The following WWOX variants were observed in gnomAD, a reference collection of about 807,000 sequenced individuals.
WWOX encodes the protein WW domain-containing oxidoreductase.
In WWOX, 69 loss-of-function variants were observed where a neutral mutation model predicts 46.2. That is an observed-to-expected ratio of 1.49 (90% CI 1.23 to 1.82). The LOEUF is 1.82. Among genes scored for constraint, WWOX ranks in the 40% most tolerant of loss-of-function variants. The probability of loss-of-function intolerance (pLI) is 0.00; values close to 1 mark genes in which losing one functional copy is unlikely to be tolerated. For missense variants in WWOX, 919 were observed against 542.6 expected (o/e 1.69, Z -6.89); for synonymous variants, 359 against 202.6 (o/e 1.77, Z -6.56).
At chr16:78,609,804 C>T (rs959420952) in intron 8 of WWOX, among the ~76,000 whole-genome samples, 1 of 152,144 alleles carries the variant, frequency 6.6e-6, no homozygotes, top group African/African-American at 2.4e-5. Context: ...ATATTTTTTC[C>T]AAAGCTATCT....
intron 5 of WWOX, among the ~76,000 whole-genome samples, chr16:78,321,311 TATGCGTA>T (rs2080466112): frequency 1.5e-5 from 1 of 65,482 alleles, no homozygotes; most frequent in Non-Finnish European, 3.4e-5. Flanking sequence ...TACGTATATA[TATGCGTA>T]TATATATACG....
At chr16:78,595,838 A>G (rs914291843) in intron 8 of WWOX, among the ~76,000 whole-genome samples, 1 of 152,242 alleles carries the variant, frequency 6.6e-6, no homozygotes, top group Non-Finnish European at 1.5e-5. Flanking sequence ...AATATGCAAT[A>G]CCTTGTTGTT....
intron 8 of WWOX, among the ~76,000 whole-genome samples, chr16:78,514,716 G>T: frequency 6.6e-6 from 1 of 152,184 alleles, no homozygotes; most frequent in East Asian, 1.9e-4. Context: ...TTTAAAAACA[G>T]TATGTACAGG....
At chr16:78,216,607 A>C (rs2036730035) in intron 5 of WWOX, among the ~76,000 whole-genome samples, 1 of 151,288 alleles carries the variant, frequency 6.6e-6, no homozygotes, top group African/African-American at 2.4e-5. Context: ...GCAAGATTGC[A>C]TCTCTCTGTC....
chr16:78,100,545 C>G (rs1017461063), intron 1 of WWOX, among the ~76,000 whole-genome samples: 12 of 152,246 alleles, frequency 7.9e-5, no homozygotes, highest in Admixed American at 6.5e-4. Context: ...GCCACTGCGC[C>G]TAGCCAGGAG....
intron 8 of WWOX, among the ~76,000 whole-genome samples, chr16:78,723,743 C>T (rs980936930): frequency 6.6e-6 from 1 of 151,816 alleles, no homozygotes; most frequent in Non-Finnish European, 1.5e-5. Context: ...CCTGACAGTT[C>T]TTTATTGCTT....
At chr16:79,178,032 C>T (rs1597449226) in intron 8 of WWOX, among the ~76,000 whole-genome samples, 1 of 152,130 alleles carries the variant, frequency 6.6e-6, no homozygotes, top group Non-Finnish European at 1.5e-5. Context: ...GATAAAGCAG[C>T]TCTCTGGGGC....
intron 8 of WWOX, among the ~76,000 whole-genome samples, chr16:78,808,250 C>G (rs1035120778): frequency 3.9e-5 from 6 of 152,180 alleles, no homozygotes; most frequent in Non-Finnish European, 7.3e-5. Flanking sequence ...CTCTAGTCCT[C>G]AAGAGCAGTC....
chr16:78,476,291 C>T (rs139846680), intron 8 of WWOX, among the ~76,000 whole-genome samples: 1 of 152,196 alleles, frequency 6.6e-6, no homozygotes, highest in Non-Finnish European at 1.5e-5. Context: ...AGTGTCTGAT[C>T]ATATCCTTCG....
At chr16:78,224,299 G>A (rs1174344933) in intron 5 of WWOX, among the ~76,000 whole-genome samples, 2 of 151,830 alleles carry the variant, frequency 1.3e-5, no homozygotes, top group Non-Finnish European at 2.9e-5. Context: ...CACCACGTCC[G>A]GCCTGTTTTT....
chr16:79,004,683 C>G (rs570198434), intron 8 of WWOX: 8 of 152,248 alleles, frequency 5.3e-5, no homozygotes, highest in Admixed American at 5.2e-4. Context: ...GATGCCTGCT[C>G]AGATTCTGGG....
At chr16:78,712,982 G>C (rs972244628) in intron 8 of WWOX, among the ~76,000 whole-genome samples, 1 of 152,052 alleles carries the variant, frequency 6.6e-6, no homozygotes, top group Non-Finnish European at 1.5e-5. Flanking sequence ...GAAATAGCTA[G>C]TATCAGGCCT....
intron 8 of WWOX, among the ~76,000 whole-genome samples, chr16:78,588,791 A>G (rs16948137): frequency 0.23 from 34,775 of 152,086 alleles, 4,508 homozygotes; most frequent in African/African-American, 0.35. Context: ...GCTTTTTGGC[A>G]TTAGGAGCTG....
intron 8 of WWOX, among the ~76,000 whole-genome samples, chr16:78,902,991 G>A (rs1419624168): frequency 6.6e-6 from 1 of 152,202 alleles, no homozygotes; most frequent in Non-Finnish European, 1.5e-5. Context: ...AGCGGAGGGT[G>A]TCCGGGTTCT....
intron 8 of WWOX, among the ~76,000 whole-genome samples, chr16:78,849,113 G>A (rs1459168683): frequency 6.6e-6 from 1 of 152,168 alleles, no homozygotes; most frequent in Admixed American, 6.5e-5. Context: ...ACGGAGGACA[G>A]TCTATACAGT....
intron 5 of WWOX, among the ~76,000 whole-genome samples, chr16:78,229,446 T>G (rs2037173588): frequency 7.1e-6 from 1 of 140,056 alleles, no homozygotes; most frequent in East Asian, 2.1e-4. Context: ...CTTTAGACAT[T>G]TAGATTTTTT....
chr16:79,173,136 C>G, intron 8 of WWOX, among the ~76,000 whole-genome samples: 1 of 152,340 alleles, frequency 6.6e-6, no homozygotes, highest in Admixed American at 6.5e-5. Flanking sequence ...ACATTTGACA[C>G]ACATGTGTGC....
intron 8 of WWOX, among the ~76,000 whole-genome samples, chr16:78,829,587 T>C (rs369361059): frequency 6.6e-6 from 1 of 152,122 alleles, no homozygotes; most frequent in East Asian, 1.9e-4. Context: ...TTTTTGGTGT[T>C]GTCATCCTGT....
intron 8 of WWOX, among the ~76,000 whole-genome samples, chr16:78,481,910 A>T (rs550219995): frequency 6.6e-6 from 1 of 152,134 alleles, no homozygotes; most frequent in Non-Finnish European, 1.5e-5. Context: ...CTGCAGAGAG[A>T]GAACCTTTCC....
Sources: allele counts gnomAD v4.1 joint callset (sites outside exome capture counted in the v4.1 genomes callset), GRCh38; gene constraint gnomAD v4.1.1; transcripts MANE v1.5; gene names NCBI Gene and HGNC (gene_info 2026-07-23, HGNC 2026-07-21).